Variants in NCOA2 observed in about 807,000 individuals in gnomAD.
NCOA2 encodes the protein class E basic helix-loop-helix protein 75.
NCOA2 carries 21 observed loss-of-function variants against 145.1 expected under a neutral mutation model. The ratio of observed to expected loss-of-function variants is 0.14; its 90% confidence interval spans 0.10 to 0.21. The LOEUF (loss-of-function observed/expected upper bound fraction) is 0.21. Among genes scored for constraint, NCOA2 ranks in the 10% least tolerant of loss-of-function variants. The pLI is 1.00. For synonymous variants in NCOA2, 619 were observed against 637.5 expected (o/e 0.97, Z 0.44); for missense variants, 1,472 against 1,837.6 (o/e 0.80, Z 3.64).
At chr8:70,440,686 A>G in the NCOA2 span, among the ~76,000 whole-genome samples, 3 of 151,656 alleles carry the variant, frequency 2.0e-5, no homozygotes, top group Admixed American at 1.3e-4. Context: ...AGAAAGAAAG[A>G]GAGAAAGAGG....
chr8:70,381,518 T>C (rs935335065), intron 1 of NCOA2, among the ~76,000 whole-genome samples: 1 of 152,236 alleles, frequency 6.6e-6, no homozygotes, highest in African/African-American at 2.4e-5. Context: ...ATAATACTAA[T>C]GCTACATAAG....
chr8:70,131,732 C>T, intron 16 of NCOA2, 105 bp downstream of exon 16: 2 of 1,231,438 alleles, frequency 1.6e-6, no homozygotes, highest in Non-Finnish European at 2.2e-6. Flanking sequence ...AAAACAACAA[C>T]AATATATTCT....
In NCOA2 at chr8:70,131,904, G is replaced by A; in HGVS notation, c.3257C>T (p.Ala1086Val). ...CTCCAGGCCATCAAAATTCCGCAAG[G>A]CCAGATACAGCTGGTCCAGGAGAGC... ...EGALLDQLYLALRNFDGLEEI... is the reference protein window; with the variant it reads ...EGALLDQLYLVLRNFDGLEEI... Residue 1086 changes from alanine to valine, a missense_variant, in exon 16 of 23, where the codon GCC becomes GTC. Physicochemically the swap from Ala to Val is moderately conservative, Grantham distance 64. Coordinates refer to ENST00000452400, the MANE Select transcript of NCOA2 (RefSeq NM_006540.4). 1 of 1,606,798 alleles carries A rather than the reference G, an allele frequency of 6.2e-7. No homozygotes were observed. The highest frequency in any genetic ancestry group is 8.5e-7 in the Non-Finnish European group (1 of 1,176,834).
At chr8:70,416,187 G>GTTTTTTTTTTT in the NCOA2 span, among the ~76,000 whole-genome samples, 1 of 136,754 alleles carries the variant, frequency 7.3e-6, no homozygotes, top group South Asian at 2.2e-4. Context: ...GGGGACCTCA[G>GTTTTTTTTTTT]TTTTTTTGTT....
At chr8:70,145,273 T>A (rs1406660420) in intron 12 of NCOA2, among the ~76,000 whole-genome samples, 1 of 152,064 alleles carries the variant, frequency 6.6e-6, no homozygotes, top group Non-Finnish European at 1.5e-5. Flanking sequence ...TTCTCCTGCT[T>A]CAGCCTCCCA....
chr8:70,206,633 G>C (rs1468722573), intron 4 of NCOA2, among the ~76,000 whole-genome samples: 1 of 152,144 alleles, frequency 6.6e-6, no homozygotes, highest in Admixed American at 6.5e-5. Flanking sequence ...GATGGTTAGA[G>C]GTCTCTCATT....
intron 1 of NCOA2, among the ~76,000 whole-genome samples, chr8:70,384,715 T>C (rs1812508381): frequency 6.6e-6 from 1 of 152,200 alleles, no homozygotes; most frequent in Non-Finnish European, 1.5e-5. Context: ...ATAAAGAGCT[T>C]TAACTCTATT....
At chr8:70,293,122 A>C (rs972360732) in intron 2 of NCOA2, among the ~76,000 whole-genome samples, 1 of 152,234 alleles carries the variant, frequency 6.6e-6, no homozygotes, top group Non-Finnish European at 1.5e-5. Context: ...ATAGTGATAT[A>C]AATAAATATG....
chr8:70,178,699 CA>C (rs1815138192), intron 4 of NCOA2, among the ~76,000 whole-genome samples: 1 of 151,770 alleles, frequency 6.6e-6, no homozygotes, highest in South Asian at 2.1e-4. Flanking sequence ...GCCCTCAGTT[CA>C]AAAAAAGGGA....
intron 2 of NCOA2, among the ~76,000 whole-genome samples, chr8:70,262,640 G>T (rs1196190975): frequency 6.6e-6 from 1 of 152,200 alleles, no homozygotes; most frequent in Non-Finnish European, 1.5e-5. Flanking sequence ...TTTAATAGAG[G>T]AAGGACAATG....
At position 70,113,244 on chromosome 8, in the gene NCOA2, A is replaced by T. The variant is rs1806702105; in HGVS notation, c.*388T>A. On this transcript the variant is annotated 3_prime_UTR_variant, in exon 23 of 23. Coordinates refer to ENST00000452400, the MANE Select transcript of NCOA2 (RefSeq NM_006540.4). ...TGTTAGCCAGGGAAAACAAAGCAAG[A>T]AACCAGTGTCTGGAACCGAACAGGA... 1 of 269,448 alleles carries T rather than the reference A, an allele frequency of 3.7e-6. No homozygotes were observed. 16.7% of individuals were successfully genotyped at this position (269,448 alleles called of 1,614,324 possible). A position where few individuals can be genotyped will look rare whatever the true frequency, so the allele number is the denominator to read the frequency against.
chr8:70,226,854 C>T (rs1355300909), intron 2 of NCOA2, among the ~76,000 whole-genome samples: 1 of 152,030 alleles, frequency 6.6e-6, no homozygotes, highest in African/African-American at 2.4e-5. Context: ...ATATCTAAAT[C>T]ACAAGAGCTT....
chr8:70,359,577 A>G (rs1271258915), intron 1 of NCOA2, among the ~76,000 whole-genome samples: 4 of 152,162 alleles, frequency 2.6e-5, no homozygotes, highest in Non-Finnish European at 5.9e-5. Context: ...GTTACAAGGA[A>G]AAACTGTTTA....
At chr8:70,452,043 C>T in the NCOA2 span, among the ~76,000 whole-genome samples, 56 of 152,240 alleles carry the variant, frequency 3.7e-4, no homozygotes, top group African/African-American at 1.1e-3. Context: ...GTCACCATCA[C>T]AGCTCACTGC....
At chr8:70,154,002 T>C (rs1255939392) in intron 11 of NCOA2, among the ~76,000 whole-genome samples, 1 of 152,206 alleles carries the variant, frequency 6.6e-6, no homozygotes, top group Non-Finnish European at 1.5e-5. Context: ...GGAAGCCAAG[T>C]GCTTAGAAGC....
chr8:70,288,966 C>T (rs1327877220), intron 2 of NCOA2, among the ~76,000 whole-genome samples: 2 of 152,060 alleles, frequency 1.3e-5, no homozygotes, highest in Non-Finnish European at 2.9e-5. Context: ...CTAAATTCTA[C>T]TCAGTTAATA....
chr8:70,156,773 T>G lies in NCOA2; in HGVS notation c.1592A>C (p.Asn531Thr). ...GGCCTGAAGTGCATTGAGGGAGCTG[T>G]TGGTATAACTATGGCTATTTCCTGT... is the stretch of plus-strand genomic sequence containing the variant. ...SSTGNSHSYT[N>T]SSLNALQALS... Residue 531 changes from asparagine to threonine, a missense_variant, in exon 11 of 23, where the codon AAC (asparagine) becomes ACC (threonine). By Grantham distance (65) the Asn-to-Thr change is moderately conservative. Around this residue, in one of 4 missense-constraint regions of NCOA2, gnomAD observed 953 missense variants for 1,062.1 expected, o/e 0.90. Coordinates refer to ENST00000452400, the MANE Select transcript of NCOA2 (RefSeq NM_006540.4). 1.2e-6 allele frequency: 2 copies of G among 1,613,986 alleles called. No homozygotes were observed. Among genetic ancestry groups the G allele is most frequent in the Non-Finnish European group, 1.7e-6 (2 of 1,179,874 alleles).
At chr8:70,149,267 C>G (rs377457083) in intron 11 of NCOA2, among the ~76,000 whole-genome samples, 7 of 150,568 alleles carry the variant, frequency 4.6e-5, no homozygotes, top group African/African-American at 1.5e-4. Context: ...AAGGGTCTTG[C>G]TCTGTCACCC....
chr8:70,197,154 T>C (rs1249090163), intron 4 of NCOA2, among the ~76,000 whole-genome samples: 4 of 152,214 alleles, frequency 2.6e-5, no homozygotes, highest in South Asian at 2.1e-4. Context: ...TGATTCTTAG[T>C]ATTAGACTTT....
Sources: allele counts gnomAD v4.1 joint callset (sites outside exome capture counted in the v4.1 genomes callset), GRCh38; gene constraint gnomAD v4.1.1; regional missense constraint gnomAD v4.1.1; transcripts MANE v1.5; gene names NCBI Gene and HGNC (gene_info 2026-07-23, HGNC 2026-07-21).